The following SHISA9 variants were observed in gnomAD, a reference collection of about 807,000 sequenced individuals.
SHISA9 encodes the protein shisa family member 9.
SHISA9 carries 13 observed loss-of-function variants against 38.0 expected under a neutral mutation model. That is an observed-to-expected ratio of 0.34 (90% CI 0.22 to 0.54). The LOEUF (loss-of-function observed/expected upper bound fraction) is 0.54, where lower values mean the gene tolerates loss of function less well. Ranked by LOEUF, SHISA9 falls within the 20% of genes least tolerant of loss-of-function variation. The pLI is 0.91. For synonymous variants in SHISA9, 275 were observed against 242.0 expected (o/e 1.14, Z -1.27); for missense variants, 538 against 575.8 (o/e 0.93, Z 0.67).
At chr16:12,980,165 G>A (rs8047252) in intron 2 of SHISA9, among the ~76,000 whole-genome samples, 12,775 of 152,134 alleles carry the variant, frequency 0.084, 1,091 homozygotes, top group African/African-American at 0.22. Context: ...TTTAAAGACA[G>A]CGTCAAACTT....
chr16:13,181,606 G>A (rs1176548715), intron 2 of SHISA9, among the ~76,000 whole-genome samples: 1 of 151,940 alleles, frequency 6.6e-6, no homozygotes, highest in Non-Finnish European at 1.5e-5. Context: ...TAGTTAAGGG[G>A]TCTGAAGCAG....
the SHISA9 span, among the ~76,000 whole-genome samples, chr16:13,312,067 A>T: frequency 6.6e-6 from 1 of 152,218 alleles, no homozygotes; most frequent in Non-Finnish European, 1.5e-5. Flanking sequence ...AAACCAGTGT[A>T]TACCAACTTT....
At chr16:12,916,637 T>G (rs1025064926) in intron 1 of SHISA9, 51 bp from the exon 2 acceptor site, 3 of 1,532,616 alleles carry the variant, frequency 2.0e-6, no homozygotes, top group Non-Finnish European at 2.6e-6. Context: ...GCATAGCAGC[T>G]GCCAGTCATT....
At chr16:12,909,060 T>C (rs771976543) in intron 1 of SHISA9, 10 of 995,120 alleles carry the variant, frequency 1.0e-5, no homozygotes, top group Non-Finnish European at 1.2e-5. Context: ...TTCTATGCAT[T>C]TGTGGTTATC....
chr16:13,381,869 A>G, the SHISA9 span, among the ~76,000 whole-genome samples: 3 of 152,142 alleles, frequency 2.0e-5, no homozygotes, highest in Admixed American at 2.0e-4. Flanking sequence ...CTTTAGAACT[A>G]ATTATGTGTA....
At chr16:12,969,366 G>A (rs1173604655) in intron 2 of SHISA9, among the ~76,000 whole-genome samples, 1 of 143,280 alleles carries the variant, frequency 7.0e-6, no homozygotes, top group Non-Finnish European at 1.5e-5. Context: ...TTTTTTTTCT[G>A]TCTGGGTGCT....
intron 2 of SHISA9, among the ~76,000 whole-genome samples, chr16:13,005,688 T>G (rs1269719553): frequency 2.0e-5 from 3 of 152,196 alleles, no homozygotes; most frequent in Admixed American, 2.0e-4. Context: ...TGGCCAGGTC[T>G]GGGACATGTG....
At chr16:13,495,192 T>C in the SHISA9 span, among the ~76,000 whole-genome samples, 2 of 152,180 alleles carry the variant, frequency 1.3e-5, no homozygotes, top group African/African-American at 2.4e-5. Context: ...CACAGAATGA[T>C]ACACATATGC....
At chr16:13,181,277 A>G (rs925764552) in intron 2 of SHISA9, among the ~76,000 whole-genome samples, 20 of 50,946 alleles carry the variant, frequency 3.9e-4, no homozygotes, top group Admixed American at 1.1e-3. Flanking sequence ...TTATATATAT[A>G]TATATATATA....
intron 2 of SHISA9, among the ~76,000 whole-genome samples, chr16:13,014,931 G>T (rs963921908): frequency 2.6e-5 from 4 of 152,224 alleles, no homozygotes; most frequent in African/African-American, 4.8e-5. Context: ...TGAAGGCAGG[G>T]ATCTCACCTA....
rs147229611 is a variant in SHISA9, at chr16:12,908,240, T to C, written c.563+5613T>C. On this transcript the variant is annotated intron_variant, in intron 1 of 4. Transcript: ENST00000558583. Reference sequence around the variant, plus strand: ...TCGGTTACTAACCCTTGCTCTGCTATATTTATTTAACTGTGTGACATTGAC... The same window carrying C: ...TCGGTTACTAACCCTTGCTCTGCTACATTTATTTAACTGTGTGACATTGAC... Among the ~76,000 whole-genome samples, 1,411 of 152,342 alleles carry C rather than the reference T, an allele frequency of 9.3e-3. 23 individuals carry two copies. The highest frequency in any genetic ancestry group is 0.031 in the African/African-American group (1,304 of 41,576).
the SHISA9 span, among the ~76,000 whole-genome samples, chr16:13,435,257 A>G: frequency 6.6e-6 from 1 of 152,024 alleles, no homozygotes; most frequent in Non-Finnish European, 1.5e-5. Context: ...TGTAACTGAG[A>G]TAACTATATG....
At chr16:13,069,969 C>A (rs564369843) in intron 2 of SHISA9, among the ~76,000 whole-genome samples, 2 of 152,142 alleles carry the variant, frequency 1.3e-5, no homozygotes, top group East Asian at 3.9e-4. Flanking sequence ...GGTGGGAAAT[C>A]AATTTCTGTT....
chr16:13,476,488 A>G, the SHISA9 span, among the ~76,000 whole-genome samples: 1 of 152,180 alleles, frequency 6.6e-6, no homozygotes, highest in East Asian at 1.9e-4. Context: ...CAGGACCTAG[A>G]CTGAACCCCT....
chr16:13,049,122 G>T (rs923115910), intron 2 of SHISA9, among the ~76,000 whole-genome samples: 1 of 150,958 alleles, frequency 6.6e-6, no homozygotes, highest in Non-Finnish European at 1.5e-5. Context: ...AGATCCAAAG[G>T]CTTGAGCTGC....
chr16:13,196,177 C>T (rs35306247), intron 2 of SHISA9, among the ~76,000 whole-genome samples: 76,340 of 146,846 alleles, frequency 0.52, 21,020 homozygotes, highest in African/African-American at 0.72. Flanking sequence ...GTGGGCGGAT[C>T]ACGAGGTCAG....
At chr16:13,408,675 G>C in the SHISA9 span, among the ~76,000 whole-genome samples, 1 of 152,132 alleles carries the variant, frequency 6.6e-6, no homozygotes, top group Non-Finnish European at 1.5e-5. Context: ...GTATACTTTA[G>C]AAGAATTTCC....
rs1053423298 is a variant in SHISA9 at position 13,238,396 on chromosome 16, C to A, written c.*2987C>A. Reference sequence around the variant, plus strand: ...CTTATCTGTGAGGCTCTTTCCAGCTCAAAGTTTCCATAATTCTTATCTCCC... The same window carrying A: ...CTTATCTGTGAGGCTCTTTCCAGCTAAAAGTTTCCATAATTCTTATCTCCC... On this transcript the variant is annotated 3_prime_UTR_variant, in exon 5 of 5. Coordinates refer to ENST00000558583, the MANE Select transcript of SHISA9 (RefSeq NM_001145204.3). The A allele has an allele frequency of 1.3e-5, 2 of 152,206 alleles. No individual in the cohort carries two copies. The highest frequency in any genetic ancestry group is 4.8e-5 in the African/African-American group (2 of 41,452). The allele number at this position is 152,206 out of a possible 1,614,324, so 9.4% of individuals were successfully genotyped here.
At chr16:13,049,189 TG>T (rs61651447) in intron 2 of SHISA9, among the ~76,000 whole-genome samples, 5,391 of 149,914 alleles carry the variant, frequency 0.036, 278 homozygotes, top group African/African-American at 0.13. Context: ...TGTGTGTGTG[TG>T]TGTGTGTGTG....
Sources: gnomAD v4.1 joint callset for allele counts (sites outside exome capture counted in the v4.1 genomes callset) on GRCh38, gnomAD v4.1.1 for gene constraint, MANE v1.5 for transcripts, NCBI Gene and HGNC (gene_info 2026-07-23, HGNC 2026-07-21) for gene names.